Variants in FRMD4A observed in about 807,000 individuals in gnomAD.
FRMD4A encodes the protein FERM domain-containing protein 4A.
Under a neutral mutation model 129.1 loss-of-function variants are expected in FRMD4A, and 29 were observed. The ratio of observed to expected loss-of-function variants is 0.22; its 90% CI spans 0.17 to 0.31. The LOEUF (loss-of-function observed/expected upper bound fraction) is 0.31, where lower values mean the gene tolerates loss of function less well. FRMD4A is among the 10% of genes least tolerant of loss of function. The pLI, the probability that FRMD4A is intolerant of heterozygous loss-of-function variation, is 1.00. For synonymous variants in FRMD4A, 634 were observed against 571.6 expected, an observed-to-expected ratio of 1.11 and a Z score of -1.56; for missense variants, 1,272 against 1,375.8, an observed-to-expected ratio of 0.92 and a Z score of 1.19.
intron 2 of FRMD4A, among the ~76,000 whole-genome samples, chr10:14,168,770 C>T (rs1841323087): frequency 6.6e-6 from 1 of 152,196 alleles, no homozygotes. Flanking sequence ...AGTCCTATTA[C>T]TGCATACATG....
Position 14,105,209 on chromosome 10 carries a change from G to A in FRMD4A, c.45+224849C>T, listed in dbSNP as rs542170281. 1.4e-4 allele frequency among the ~76,000 whole-genome samples: 22 copies of A among 152,256 alleles called. No individual in the cohort carries two copies. The South Asian group carries it at 4.6e-3, about 32-fold the overall frequency. On this transcript the variant is annotated intron_variant, in intron 2 of 24. Transcript: ENST00000357447. The stretch of plus-strand genomic sequence containing the variant: ...GTCACTTGTTTTCTTCAGGCCTCCT[G>A]ACACCCAATAAATTTATTGTCATTT...
intron 2 of FRMD4A, among the ~76,000 whole-genome samples, chr10:14,303,902 C>G (rs1397489149): frequency 6.6e-6 from 1 of 152,152 alleles, no homozygotes; most frequent in African/African-American, 2.4e-5. Flanking sequence ...CCTTTTGTGT[C>G]TGGCTTATTT....
At chr10:13,943,672 A>G (rs1170030704) in intron 2 of FRMD4A, among the ~76,000 whole-genome samples, 2 of 145,242 alleles carry the variant, frequency 1.4e-5, no homozygotes, top group Non-Finnish European at 3.1e-5. Flanking sequence ...AAAAAAAAAA[A>G]AAAAAAAGAA....
At chr10:13,890,910 CAGTT>C (rs2094687996) in intron 2 of FRMD4A, 1 of 958,138 alleles carries the variant, frequency 1.0e-6, no homozygotes, top group Non-Finnish European at 1.2e-6. Flanking sequence ...AATGTACGAA[CAGTT>C]ACTCTGCTAA....
At chr10:13,890,478 C>G (rs1043366946) in intron 2 of FRMD4A, 1 of 956,426 alleles carries the variant, frequency 1.0e-6, no homozygotes, top group Non-Finnish European at 1.2e-6. Flanking sequence ...GGACGACTTA[C>G]GGATGCAGAG....
intron 2 of FRMD4A, among the ~76,000 whole-genome samples, chr10:14,115,385 AAAT>A (rs1338034736): frequency 1.3e-5 from 2 of 152,310 alleles, no homozygotes; most frequent in Admixed American, 6.5e-5. Context: ...TATATACGAA[AAAT>A]AATAATTACT....
intron 2 of FRMD4A, among the ~76,000 whole-genome samples, chr10:13,990,052 G>A (rs2095597918): frequency 6.6e-6 from 1 of 152,126 alleles, no homozygotes; most frequent in South Asian, 2.1e-4. Flanking sequence ...GACTACCTGG[G>A]TTCAAACCCT....
chr10:14,172,349 C>T (rs1841520896), intron 2 of FRMD4A, among the ~76,000 whole-genome samples: 1 of 152,122 alleles, frequency 6.6e-6, no homozygotes, highest in South Asian at 2.1e-4. Context: ...GATCAAGGAA[C>T]AAGCCATGAT....
intron 3 of FRMD4A, among the ~76,000 whole-genome samples, chr10:13,814,241 G>A (rs998965800): frequency 6.6e-6 from 1 of 152,168 alleles, no homozygotes; most frequent in Non-Finnish European, 1.5e-5. Context: ...GGATTATGGT[G>A]AGAGGTCTGG....
intron 2 of FRMD4A, among the ~76,000 whole-genome samples, chr10:14,128,045 C>T (rs1177543620): frequency 6.0e-4 from 45 of 75,542 alleles, no homozygotes; most frequent in African/African-American, 1.7e-3. Context: ...CCTTTCTTTC[C>T]CTCTTTCTTT....
intron 2 of FRMD4A, among the ~76,000 whole-genome samples, chr10:14,113,341 C>A (rs1331098014): frequency 2.6e-5 from 4 of 152,256 alleles, no homozygotes; most frequent in African/African-American, 9.6e-5. Context: ...AGGATAAAGG[C>A]CTTTATGATG....
chr10:13,973,007 C>T (rs1188175681), intron 2 of FRMD4A, among the ~76,000 whole-genome samples: 1 of 152,190 alleles, frequency 6.6e-6, no homozygotes, highest in Non-Finnish European at 1.5e-5. Flanking sequence ...GTCCTGGAGT[C>T]CTTTGTAACC....
intron 2 of FRMD4A, among the ~76,000 whole-genome samples, chr10:14,146,573 C>T (rs1840084948): frequency 6.6e-6 from 1 of 152,158 alleles, no homozygotes. Context: ...TTAGAAGAGA[C>T]ATCTGATGCC....
At chr10:14,305,130 C>T (rs1401519725) in intron 2 of FRMD4A, among the ~76,000 whole-genome samples, 3 of 152,194 alleles carry the variant, frequency 2.0e-5, no homozygotes, top group African/African-American at 7.2e-5. Context: ...CTACCAATAC[C>T]TATTACCAGC....
intron 2 of FRMD4A, among the ~76,000 whole-genome samples, chr10:14,066,471 A>C (rs958454214): frequency 2.6e-5 from 4 of 152,072 alleles, no homozygotes; most frequent in African/African-American, 9.7e-5. Context: ...ATCTGGATAG[A>C]GAGAATGAGT....
intron 6 of FRMD4A, among the ~76,000 whole-genome samples, chr10:13,769,678 G>T (rs1217832469): frequency 6.6e-6 from 1 of 152,180 alleles, no homozygotes; most frequent in East Asian, 1.9e-4. Context: ...ATCAGCATTT[G>T]AATCAGTGGA....
intron 2 of FRMD4A, among the ~76,000 whole-genome samples, chr10:14,090,612 G>A (rs570492527): frequency 6.6e-6 from 1 of 152,300 alleles, no homozygotes; most frequent in East Asian, 1.9e-4. Context: ...CCCAGAGAGT[G>A]GGGGTTCTCA....
chr10:13,862,866 G>A (rs915521992), intron 2 of FRMD4A, among the ~76,000 whole-genome samples: 5 of 152,092 alleles, frequency 3.3e-5, no homozygotes, highest in African/African-American at 1.2e-4. Flanking sequence ...GGCTTGCCAG[G>A]CACTCTGAAG....
At chr10:13,811,902 G>C (rs75326350) in intron 3 of FRMD4A, among the ~76,000 whole-genome samples, 1 of 47,296 alleles carries the variant, frequency 2.1e-5, no homozygotes, top group Non-Finnish European at 4.6e-5. Context: ...TTTTTTTTTT[G>C]AGATGGAGTC....
Sources: allele counts gnomAD v4.1 joint callset (sites outside exome capture counted in the v4.1 genomes callset), GRCh38; gene constraint gnomAD v4.1.1; transcripts MANE v1.5; gene names NCBI Gene and HGNC (gene_info 2026-07-23, HGNC 2026-07-21).